RNF130: variants seen among roughly 807,000 people sequenced by gnomAD.
RNF130 encodes the protein ring finger protein 130.
A neutral mutation model predicts 44.6 loss-of-function variants in RNF130; 21 were observed. The observed-to-expected ratio is 0.47, with a 90% CI of 0.33 to 0.68. RNF130 has a LOEUF of 0.68. RNF130 is among the 30% of genes least tolerant of loss of function. RNF130 has a pLI of 0.02. For synonymous variants in RNF130, 214 were observed against 210.4 expected, an observed-to-expected ratio of 1.02 and a Z score of -0.15; for missense variants, 479 against 560.6, an observed-to-expected ratio of 0.85 and a Z score of 1.47.
exon 8 of RNF130, chr5:179,919,481 C>A: frequency 6.6e-6 from 1 of 152,626 alleles, no homozygotes. Context: ...GGCCATCCCC[C>A]TGAAATCACT....
chr5:180,012,926 C>T (rs2113084739), intron 3 of RNF130, 135 bp downstream of exon 3: 9 of 1,010,442 alleles, frequency 8.9e-6, no homozygotes, highest in South Asian at 1.7e-5. Flanking sequence ...TAGACGTTTC[C>T]AACATATTAA....
At chr5:179,950,443 G>A (rs765571054), downstream of RNF130, among the ~76,000 whole-genome samples, 70 of 152,116 alleles carry the variant, frequency 4.6e-4, no homozygotes, top group Non-Finnish European at 7.8e-4. Context: ...GATACTAATC[G>A]TATTTCTGGT....
intron 3 of RNF130, among the ~76,000 whole-genome samples, chr5:179,981,082 C>A (rs139370339): frequency 1.3e-4 from 20 of 151,716 alleles, no homozygotes; most frequent in Admixed American, 2.0e-4. Flanking sequence ...ATGGGAAAGG[C>A]GTAGGGTTAG....
chr5:180,008,031 G>A (rs1384011839), intron 3 of RNF130, among the ~76,000 whole-genome samples: 1 of 141,150 alleles, frequency 7.1e-6, no homozygotes, highest in African/African-American at 2.6e-5. Context: ...ACATGTTATA[G>A]GAGGGAAAAG....
chr5:180,043,936 A>G (rs1163415398), intron 1 of RNF130, among the ~76,000 whole-genome samples: 1 of 152,226 alleles, frequency 6.6e-6, no homozygotes, highest in East Asian at 1.9e-4. Flanking sequence ...ATAAACAGGA[A>G]CTTAATACTG....
At chr5:180,042,218 T>C (rs2113143029) in intron 1 of RNF130, among the ~76,000 whole-genome samples, 1 of 152,356 alleles carries the variant, frequency 6.6e-6, no homozygotes, top group South Asian at 2.1e-4. Flanking sequence ...AACTATTACA[T>C]CTACCATTCC....
chr5:180,068,621 G>A (rs1450632165), intron 1 of RNF130, among the ~76,000 whole-genome samples: 1 of 152,208 alleles, frequency 6.6e-6, no homozygotes, highest in Non-Finnish European at 1.5e-5. Context: ...ACAAATAAAT[G>A]TTATTCAGAA....
At chr5:179,955,781 C>T in intron 8 of RNF130, 112 bp from the exon 9 acceptor site, 1 of 821,304 alleles carries the variant, frequency 1.2e-6, no homozygotes, top group Non-Finnish European at 1.9e-6. Context: ...AGCTAGTTCC[C>T]AACCCCTCTG....
intron 3 of RNF130, among the ~76,000 whole-genome samples, chr5:179,982,872 C>T (rs998203460): frequency 2.6e-5 from 4 of 152,326 alleles, no homozygotes; most frequent in East Asian, 1.9e-4. Context: ...GTGTGAGCCA[C>T]GGCACGCAGC....
downstream of RNF130, among the ~76,000 whole-genome samples, chr5:179,952,730 T>C (rs1762145569): frequency 6.6e-6 from 1 of 152,126 alleles, no homozygotes; most frequent in Non-Finnish European, 1.5e-5. Context: ...TAGAATAGAA[T>C]AAAGGGCAAA....
downstream of RNF130, among the ~76,000 whole-genome samples, chr5:179,953,148 G>A (rs528499946): frequency 6.6e-6 from 1 of 152,188 alleles, no homozygotes; most frequent in South Asian, 2.1e-4. Flanking sequence ...CAATGTTGTA[G>A]GATAAAAGAT....
intron 3 of RNF130, among the ~76,000 whole-genome samples, chr5:179,996,281 G>A (rs559234512): frequency 2.6e-5 from 4 of 152,168 alleles, no homozygotes; most frequent in Admixed American, 6.5e-5. Flanking sequence ...TATATACACA[G>A]AACTGATTTC....
chr5:180,008,961 A>C (rs1246268678), intron 3 of RNF130, among the ~76,000 whole-genome samples: 1 of 152,204 alleles, frequency 6.6e-6, no homozygotes, highest in African/African-American at 2.4e-5. Context: ...TATGGGTAAA[A>C]GAAGAAGTCT....
Position 179,948,652 on chromosome 5 carries a change from T to C in RNF130, c.1150+18154A>G, listed in dbSNP as rs572517269. On this transcript the variant is annotated intron_variant, in intron 7 of 7. Transcript: ENST00000522208. Reference sequence around the variant, plus strand: ...CGCCACTGCATTCCAGCCTGGATGATAGATAGAGCGAGACTCTGTCTCAAA... The same window carrying C: ...CGCCACTGCATTCCAGCCTGGATGACAGATAGAGCGAGACTCTGTCTCAAA... Among the ~76,000 whole-genome samples the C allele has an allele frequency of 4.6e-5, 7 of 151,898 alleles. No homozygotes were observed. In the South Asian group the frequency reaches 1.2e-3, roughly 27 times the overall value.
chr5:179,998,857 T>TATATATATC (rs1554103671), intron 3 of RNF130, among the ~76,000 whole-genome samples: 1 of 65,232 alleles, frequency 1.5e-5, no homozygotes, highest in Admixed American at 1.6e-4. Flanking sequence ...ATCTAGTATT[T>TATATATATC]TTTATATATA....
At chr5:180,038,261 C>T (rs1764297402) in intron 2 of RNF130, among the ~76,000 whole-genome samples, 1 of 151,722 alleles carries the variant, frequency 6.6e-6, no homozygotes, top group Non-Finnish European at 1.5e-5. Flanking sequence ...CCCTATGTTG[C>T]CCAGGCTGGT....
In RNF130 at chr5:179,980,434, T is replaced by C. The variant is rs1762806212; in HGVS notation, c.694-234A>G. 2.6e-5 allele frequency: 12 copies of C among 455,544 alleles called. No individual in the cohort carries two copies. In the South Asian group the frequency reaches 3.2e-4, roughly 12 times the overall value. The allele number at this position is 455,544 out of a possible 1,614,324, so 28.2% of individuals were successfully genotyped here. On this transcript the variant is annotated intron_variant, in intron 3 of 8. Coordinates refer to ENST00000521389, the MANE Select transcript of RNF130 (RefSeq NM_018434.6). ...TAGGTCAAACAGAAATATAGAACTATAGGTCTTCAATTCTCCAGCAGTAAA... is the reference window on the plus strand; with the variant it reads ...TAGGTCAAACAGAAATATAGAACTACAGGTCTTCAATTCTCCAGCAGTAAA...
intron 5 of RNF130, 37 bp downstream of exon 5, chr5:179,978,166 A>C: frequency 6.6e-7 from 1 of 1,526,680 alleles, no homozygotes; most frequent in Non-Finnish European, 9.1e-7. Flanking sequence ...AAAGCACATT[A>C]ATATCATTCT....
intron 7 of RNF130, chr5:179,934,002 G>A (rs947447038): frequency 1.7e-5 from 6 of 352,498 alleles, no homozygotes; most frequent in African/African-American, 1.3e-4. Context: ...TAACCTGCCT[G>A]TGAAGCTCAC....
Sources: allele counts gnomAD v4.1 joint callset (sites outside exome capture counted in the v4.1 genomes callset), GRCh38; gene constraint gnomAD v4.1.1; transcripts MANE v1.5; gene names NCBI Gene and HGNC (gene_info 2026-07-23, HGNC 2026-07-21).